The following TNFRSF21 variants were observed in gnomAD, a reference collection of about 807,000 sequenced individuals.
TNFRSF21 encodes the protein tumor necrosis factor receptor superfamily member 21.
Under a neutral mutation model 45.6 loss-of-function variants are expected in TNFRSF21, and 19 were observed. That is an observed-to-expected ratio of 0.42 (90% CI 0.29 to 0.61). The LOEUF (loss-of-function observed/expected upper bound fraction) is 0.61, where lower values mean the gene tolerates loss of function less well. Among genes scored for constraint, TNFRSF21 ranks in the 20% least tolerant of loss-of-function variants. The pLI, the probability that TNFRSF21 is intolerant of heterozygous loss-of-function variation, is 0.23. For synonymous variants in TNFRSF21, 314 were observed against 335.5 expected, an observed-to-expected ratio of 0.94 and a Z score of 0.70; for missense variants, 737 against 851.5, an observed-to-expected ratio of 0.87 and a Z score of 1.67.
At chr6:47,291,203 T>A (rs1298916038) in intron 1 of TNFRSF21, among the ~76,000 whole-genome samples, 1 of 152,226 alleles carries the variant, frequency 6.6e-6, no homozygotes, top group Non-Finnish European at 1.5e-5. Flanking sequence ...AAAAAGCTTG[T>A]GGCTCTATCT....
At chr6:47,283,824 T>C (rs1189237639) in intron 3 of TNFRSF21, 114 bp downstream of exon 3, 1 of 1,347,510 alleles carries the variant, frequency 7.4e-7, no homozygotes, top group African/African-American at 1.5e-5. Flanking sequence ...CAAGTAGTGT[T>C]TGGTCTACAA....
chr6:47,251,447 A>G (rs1764900416), intron 4 of TNFRSF21, among the ~76,000 whole-genome samples: 1 of 152,194 alleles, frequency 6.6e-6, no homozygotes, highest in African/African-American at 2.4e-5. Flanking sequence ...AGAGTTTGGC[A>G]CTTAGGAAGA....
Position 47,232,477 on chromosome 6 carries a change from T to C in TNFRSF21, c.*288A>G. 1 of 331,318 alleles carries C rather than the reference T, an allele frequency of 3.0e-6. No homozygotes were observed. Among genetic ancestry groups the C allele is most frequent in the South Asian group, 6.4e-5 (1 of 15,686 alleles). The allele number at this position is 331,318 out of a possible 1,614,324, so 20.5% of individuals were successfully genotyped here. A position where few individuals can be genotyped will look rare whatever the true frequency, so the allele number is the denominator to read the frequency against. ...ATAAGAAGGCAAAATGGAGAAAATA[T>C]GGAACTTAAAAAACTTTAGTGGTGG... On this transcript the variant is annotated 3_prime_UTR_variant, in exon 6 of 6. Coordinates refer to ENST00000296861, the MANE Select transcript of TNFRSF21 (RefSeq NM_014452.5).
chr6:47,289,756 G>A (rs771313037), intron 1 of TNFRSF21, among the ~76,000 whole-genome samples: 8 of 152,178 alleles, frequency 5.3e-5, no homozygotes, highest in Non-Finnish European at 1.0e-4. Flanking sequence ...AACTTTGGAA[G>A]GCCAAGGTGG....
At chr6:47,253,660 T>A in intron 3 of TNFRSF21, 139 bp from the exon 4 acceptor site, 3 of 999,660 alleles carry the variant, frequency 3.0e-6, no homozygotes, top group Non-Finnish European at 4.3e-6. Flanking sequence ...TTGCCTCCCT[T>A]AAGCACTTGG....
chr6:47,289,042 A>T (rs1762685555), intron 1 of TNFRSF21, among the ~76,000 whole-genome samples: 1 of 152,236 alleles, frequency 6.6e-6, no homozygotes, highest in Admixed American at 6.5e-5. Flanking sequence ...CTGAGAAGAG[A>T]CTGGGGGAGA....
At chr6:47,263,085 A>T (rs576492312) in intron 3 of TNFRSF21, among the ~76,000 whole-genome samples, 1 of 152,138 alleles carries the variant, frequency 6.6e-6, no homozygotes, top group Admixed American at 6.5e-5. Context: ...AGGTGATGGG[A>T]GGTGGTGGAC....
At chr6:47,271,869 G>C (rs1762425259) in intron 3 of TNFRSF21, among the ~76,000 whole-genome samples, 1 of 152,138 alleles carries the variant, frequency 6.6e-6, no homozygotes, top group Non-Finnish European at 1.5e-5. Flanking sequence ...TGCAATCCTA[G>C]TCTCTGATAA....
At chr6:47,278,278 A>G (rs1399605880) in intron 3 of TNFRSF21, among the ~76,000 whole-genome samples, 1 of 152,216 alleles carries the variant, frequency 6.6e-6, no homozygotes, top group Non-Finnish European at 1.5e-5. Context: ...CAAGAAAAAA[A>G]CCAATCCAAT....
At chr6:47,297,723 A>G (rs762225238) in intron 1 of TNFRSF21, among the ~76,000 whole-genome samples, 10 of 152,008 alleles carry the variant, frequency 6.6e-5, no homozygotes, top group Non-Finnish European at 1.5e-4. Context: ...GGACTTCACC[A>G]TATTGACCAG....
At chr6:47,306,363 G>C (rs144744192) in intron 1 of TNFRSF21, among the ~76,000 whole-genome samples, 15 of 152,326 alleles carry the variant, frequency 9.8e-5, no homozygotes, top group Middle Eastern at 3.4e-3. Flanking sequence ...ATTTGGACTT[G>C]TGAAACACGC....
chr6:47,268,698 C>T (rs1470285450), intron 3 of TNFRSF21, among the ~76,000 whole-genome samples: 1 of 152,208 alleles, frequency 6.6e-6, no homozygotes, highest in Admixed American at 6.5e-5. Flanking sequence ...CATACCGCTT[C>T]CCCTTCTGTC....
At chr6:47,267,092 C>CT (rs10582640) in intron 3 of TNFRSF21, among the ~76,000 whole-genome samples, 2,419 of 145,270 alleles carry the variant, frequency 0.017, 27 homozygotes, top group Middle Eastern at 0.025. Context: ...TTTCTTTTTT[C>CT]TTTTTTTTTT....
intron 1 of TNFRSF21, among the ~76,000 whole-genome samples, chr6:47,306,804 A>C (rs1762946797): frequency 6.6e-6 from 1 of 152,228 alleles, no homozygotes; most frequent in African/African-American, 2.4e-5. Flanking sequence ...GCATTAAAAG[A>C]CATAATAAAT....
At chr6:47,272,331 C>T (rs1762434235) in intron 3 of TNFRSF21, among the ~76,000 whole-genome samples, 1 of 152,150 alleles carries the variant, frequency 6.6e-6, no homozygotes, top group Admixed American at 6.5e-5. Flanking sequence ...GACCACAGTG[C>T]AATTAAATTA....
rs758368055 is a variant in TNFRSF21, at chr6:47,253,241, C to G, written c.1509+15G>C. The G allele has an allele frequency of 2.2e-5, 36 of 1,610,126 alleles. No individual in the cohort carries two copies. Among genetic ancestry groups the G allele is most frequent in the South Asian group, 2.0e-4 (18 of 90,554 alleles). ...ATAGGTCGGTGGTAATGACACACAA[C>G]AAGGGCTCCATTACCTGGGTGGTGT... On this transcript the variant is annotated intron_variant, in intron 4 of 5. Coordinates refer to ENST00000296861, the MANE Select transcript of TNFRSF21 (RefSeq NM_014452.5).
chr6:47,263,871 T>C (rs1361573594), intron 3 of TNFRSF21, among the ~76,000 whole-genome samples: 2 of 152,232 alleles, frequency 1.3e-5, no homozygotes, highest in African/African-American at 4.8e-5. Flanking sequence ...TAATTGTGTG[T>C]CAGATTTGGT....
rs142189079 is a variant in TNFRSF21 at position 47,232,927 on chromosome 6, G to A, written c.1806C>T (p.Asp602=). The A allele has an allele frequency of 6.2e-7, 1 of 1,614,026 alleles. No individual in the cohort carries two copies. The highest frequency in any genetic ancestry group is 1.1e-5 in the South Asian group (1 of 91,084). ...DPCDLQPIFD[D]MLHFLNPEEL... ...CCTCAGGATTTAGAAAGTGGAGCAT[G>A]TCATCAAAGATAGGCTGCAAGTCAC... The change falls in exon 6 of 6, where the codon GAC becomes GAT. Residue 602 remains aspartate (D), a synonymous_variant. Coordinates refer to ENST00000296861, the MANE Select transcript of TNFRSF21 (RefSeq NM_014452.5).
intron 3 of TNFRSF21, among the ~76,000 whole-genome samples, chr6:47,273,740 C>T (rs961030387): frequency 1.3e-5 from 2 of 152,194 alleles, no homozygotes; most frequent in Non-Finnish European, 2.9e-5. Flanking sequence ...TTGCAGATGA[C>T]ATGACCATAT....
Sources: gnomAD v4.1 joint callset for allele counts (sites outside exome capture counted in the v4.1 genomes callset) on GRCh38, gnomAD v4.1.1 for gene constraint, MANE v1.5 for transcripts, NCBI Gene and HGNC (gene_info 2026-07-23, HGNC 2026-07-21) for gene names.